Variants in REV1 observed in about 807,000 individuals in gnomAD.
The protein encoded by REV1 is translesion synthesis protein REV1.
Under a neutral mutation model 137.4 loss-of-function variants are expected in REV1, and 42 were observed. The ratio of observed to expected loss-of-function variants is 0.31; its 90% confidence interval spans 0.24 to 0.40. The LOEUF is 0.40. Ranked by LOEUF, REV1 falls within the 10% of genes least tolerant of loss-of-function variation. REV1 has a pLI of 1.00. For synonymous variants in REV1, 524 were observed against 519.2 expected, an observed-to-expected ratio of 1.01 and a Z score of -0.12; for missense variants, 1,282 against 1,490.1, an observed-to-expected ratio of 0.86 and a Z score of 2.30.
upstream of REV1, chr2:99,490,116 G>T (rs1448921481): frequency 6.8e-6 from 1 of 146,716 alleles, no homozygotes; most frequent in African/African-American, 2.5e-5. Flanking sequence ...GCCGCGCGGC[G>T]CACGCGCTCT....
rs1170149122 is a variant in REV1 at position 99,456,819 on chromosome 2, C to CAGAAGTG, written c.181+5670_181+5676dup. ...AATGAATGAATATACTTCCAGTTCACAGAAGTGAGGAGGGAAGGAGTTTTT... is the reference window on the plus strand; with the variant it reads ...AATGAATGAATATACTTCCAGTTCACAGAAGTGAGAAGTGAGGAGGGAAGGAGTTTTT... On this transcript the variant is annotated intron_variant, in intron 3 of 22. Coordinates refer to ENST00000258428, the MANE Select transcript of REV1 (RefSeq NM_016316.4). 2.0e-5 allele frequency among the ~76,000 whole-genome samples: 3 copies of CAGAAGTG among 152,232 alleles called. No homozygotes were observed. In the East Asian group the frequency reaches 5.8e-4, roughly 29 times the overall value.
upstream of REV1, chr2:99,490,089 C>CCCCGCCCACGCCCCCTCCGCGGT (rs1321560199): frequency 6.7e-6 from 1 of 149,338 alleles, no homozygotes; most frequent in Non-Finnish European, 1.5e-5. Context: ...CGCTCCCCGG[C>CCCCGCCCACGCCCCCTCCGCGGT]CCCGCTCGCG....
At chr2:99,447,666 T>C (rs940926597) in intron 4 of REV1, among the ~76,000 whole-genome samples, 3 of 152,164 alleles carry the variant, frequency 2.0e-5, no homozygotes, top group Admixed American at 6.5e-5. Context: ...CAGGCAGATA[T>C]TAGCCTTCTT....
chr2:99,450,854 T>C (rs1302448526), intron 3 of REV1, among the ~76,000 whole-genome samples: 2 of 152,196 alleles, frequency 1.3e-5, no homozygotes, highest in Admixed American at 6.5e-5. Flanking sequence ...CAATTTAGAA[T>C]AGCCATATTT....
rs1403015514 is a variant in REV1 at position 99,469,900 on chromosome 2, T to C, written c.-10-4915A>G. The stretch of plus-strand genomic sequence containing the variant: ...ACTCTGGGGGGCCGAGGCGGGCAGA[T>C]CACGAGGTCAGGAGATCGAGACCAT... On this transcript the variant is annotated intron_variant, in intron 1 of 22. Transcript: ENST00000258428. 2.0e-5 allele frequency among the ~76,000 whole-genome samples: 3 copies of C among 151,940 alleles called. No homozygotes were observed. In the East Asian group the frequency reaches 5.8e-4, roughly 29 times the overall value.
chr2:99,402,758 T>G lies in REV1; in HGVS notation c.3427A>C (p.Ser1143Arg). 1 of 1,614,164 alleles carries G rather than the reference T, an allele frequency of 6.2e-7. No individual in the cohort carries two copies. Among genetic ancestry groups the G allele is most frequent in the Non-Finnish European group, 8.5e-7 (1 of 1,180,024 alleles). The part of the protein sequence containing the change: ...ASTSGVPGLS[S>R]LQSDPAGCVR... ...CAGCCAGCTGGGTCAGACTGCAAAC[T>G]AGAAAGGCCTGGCACACCTGAAGTA... Residue 1143 changes from serine to arginine, a missense_variant, in exon 21 of 23, where the codon AGT becomes CGT. Physicochemically the swap from Ser to Arg is moderately radical, Grantham distance 110. Around this residue, in one of 7 missense-constraint regions of REV1, gnomAD observed 170 missense variants for 156.8 expected, o/e 1.08. Coordinates refer to ENST00000258428, the MANE Select transcript of REV1 (RefSeq NM_016316.4).
intron 1 of REV1, among the ~76,000 whole-genome samples, chr2:99,484,948 T>C (rs988746610): frequency 9.9e-5 from 15 of 152,234 alleles, no homozygotes; most frequent in African/African-American, 3.4e-4. Context: ...ATACGGTAGC[T>C]GTAGATATTA....
chr2:99,473,019 C>A (rs561405651), intron 1 of REV1, among the ~76,000 whole-genome samples: 3 of 152,110 alleles, frequency 2.0e-5, no homozygotes, highest in Non-Finnish European at 4.4e-5. Context: ...ACATGCACAT[C>A]CCACAAACTA....
rs577867228 is a variant in REV1 at position 99,464,271 on chromosome 2, AG to A, written c.54+650del. ...CTTTAAATTAAAGGTGTAGGTGGCT[AG>A]AAGTACATGATGTTTTTTTCCCAAA... On this transcript the variant is annotated intron_variant, in intron 2 of 22. Coordinates refer to ENST00000258428, the MANE Select transcript of REV1 (RefSeq NM_016316.4). Among the ~76,000 whole-genome samples, 762 of 152,336 alleles carry A rather than the reference AG, an allele frequency of 5.0e-3. 3 individuals carry two copies. The highest frequency in any genetic ancestry group is 0.01 in the Middle Eastern group (3 of 294).
chr2:99,401,442 GCA>G, intron 22 of REV1, 90 bp from the exon 23 acceptor site: 4 of 766,396 alleles, frequency 5.2e-6, no homozygotes, highest in Non-Finnish European at 7.7e-6. Flanking sequence ...ATTGACTTTG[GCA>G]AAAAAAAAAA....
intron 1 of REV1, among the ~76,000 whole-genome samples, chr2:99,485,380 A>T (rs1687033179): frequency 6.6e-6 from 1 of 152,262 alleles, no homozygotes; most frequent in Non-Finnish European, 1.5e-5. Context: ...GGGTTACTTT[A>T]AGTTCCAATT....
chr2:99,479,466 T>C (rs1009169066), intron 1 of REV1, among the ~76,000 whole-genome samples: 2 of 152,052 alleles, frequency 1.3e-5, no homozygotes, highest in Non-Finnish European at 2.9e-5. Flanking sequence ...ATCTATAGTT[T>C]TCAAGGTGAG....
intron 3 of REV1, among the ~76,000 whole-genome samples, chr2:99,456,784 T>G (rs1683583226): frequency 6.6e-6 from 1 of 152,172 alleles, no homozygotes; most frequent in African/African-American, 2.4e-5. Flanking sequence ...CCTAACTATA[T>G]CTGGATCTTA....
intron 3 of REV1, among the ~76,000 whole-genome samples, chr2:99,459,146 T>C (rs1415689420): frequency 1.3e-5 from 2 of 151,348 alleles, no homozygotes; most frequent in Non-Finnish European, 2.9e-5. Context: ...AGGCAGAGCT[T>C]GCAGTGAGCC....
Position 99,404,626 on chromosome 2 carries a change from C to T in REV1, c.2863G>A (p.Glu955Lys). Residue 955 changes from glutamate (E) to lysine (K), a missense_variant, in exon 18 of 23, where the codon GAG (glutamate) becomes AAG (lysine). Around this residue, in one of 7 missense-constraint regions of REV1, gnomAD observed 135 missense variants for 123.3 expected, o/e 1.10. Coordinates refer to ENST00000258428, the MANE Select transcript of REV1 (RefSeq NM_016316.4). ...GCTTGCTGGACAGCACAGACTTGCT[C>T]TACTTGTTCCCGGAGATCAGGTGGA... ...ALPPDLREQVEQVCAVQQAES... is the reference protein window; with the variant it reads ...ALPPDLREQVKQVCAVQQAES... 1 of 1,612,416 alleles carries T rather than the reference C, an allele frequency of 6.2e-7. No homozygotes were observed. Among genetic ancestry groups the T allele is most frequent in the Non-Finnish European group, 8.5e-7 (1 of 1,179,646 alleles).
Position 99,400,806 on chromosome 2 carries a change from T to C in REV1, c.*435A>G, listed in dbSNP as rs1045820473. The C allele has an allele frequency of 6.5e-6, 1 of 153,622 alleles. No individual in the cohort carries two copies. Among genetic ancestry groups the C allele is most frequent in the Middle Eastern group, 3.4e-3 (1 of 294 alleles). 9.5% of individuals were successfully genotyped at this position (153,622 alleles called of 1,614,324 possible). A position where few individuals can be genotyped will look rare whatever the true frequency, so the allele number is the denominator to read the frequency against. ...AAGCTTTACCCTTTCTTGGAACAAG[T>C]AGAATCCCGGTCTGAGACCTCTCAG... On this transcript the variant is annotated 3_prime_UTR_variant, in exon 23 of 23. Coordinates refer to ENST00000258428, the MANE Select transcript of REV1 (RefSeq NM_016316.4).
chr2:99,486,528 C>A (rs1208615761), intron 1 of REV1, among the ~76,000 whole-genome samples: 11 of 145,926 alleles, frequency 7.5e-5, no homozygotes, highest in African/African-American at 1.0e-4. Context: ...GACTCCATCT[C>A]AAAAAAAAAA....
rs538501271 is a variant in REV1 at position 99,469,317 on chromosome 2, C to T, written c.-10-4332G>A. On this transcript the variant is annotated intron_variant, in intron 1 of 22. Coordinates refer to ENST00000258428, the MANE Select transcript of REV1 (RefSeq NM_016316.4). ...ATAACTAAGAGTAATGAACTAAAAA[C>T]TAAGTACAAAATTTCTTGGTTCTTT... is the stretch of plus-strand genomic sequence containing the variant. Among the ~76,000 whole-genome samples, 11 of 152,268 alleles carry T rather than the reference C, an allele frequency of 7.2e-5. No homozygotes were observed. In the South Asian group the frequency reaches 1.5e-3, roughly 20 times the overall value.
chr2:99,429,931 A>C lies in REV1; in HGVS notation c.1456T>G (p.Ser486Ala), dbSNP rs1329760280. The C allele has an allele frequency of 1.3e-6, 2 of 1,597,976 alleles. No homozygotes were observed. The highest frequency in any genetic ancestry group is 3.5e-5 in the Admixed American group (2 of 57,954). The stretch of plus-strand genomic sequence containing the variant: ...GCAGAATCTGGATTCTCCCACAATG[A>C]TGAATCTGGTATATCTGCTTTAAAA... The part of the protein sequence containing the change: ...KGKAADIPDS[S>A]LWENPDSAQA... Residue 486 changes from serine to alanine, a missense_variant, in exon 9 of 23, where the codon TCA becomes GCA. Physicochemically the swap from Ser to Ala is moderately conservative, Grantham distance 99 (BLOSUM62 1). Coordinates refer to ENST00000258428, the MANE Select transcript of REV1 (RefSeq NM_016316.4).
Sources: gnomAD v4.1 joint callset for allele counts (sites outside exome capture counted in the v4.1 genomes callset) on GRCh38, gnomAD v4.1.1 for gene constraint, gnomAD v4.1.1 regional missense constraint, MANE v1.5 for transcripts, NCBI Gene and HGNC (gene_info 2026-07-23, HGNC 2026-07-21) for gene names.